CCDC38: variants seen among roughly 807,000 people sequenced by gnomAD.
The protein encoded by CCDC38 is coiled-coil domain containing 38, also known as coiled-coil domain-containing protein 38.
A neutral mutation model predicts 72.8 loss-of-function variants in CCDC38; 69 were observed. The observed-to-expected ratio is 0.95, with a 90% CI of 0.78 to 1.16. The LOEUF is 1.16. Ranked by LOEUF, CCDC38 falls within the 50% of genes most tolerant of loss-of-function variation. The probability of loss-of-function intolerance (pLI) is 0.00; values close to 1 mark genes in which losing one functional copy is unlikely to be tolerated. For synonymous variants in CCDC38, 201 were observed against 213.2 expected, an observed-to-expected ratio of 0.94 and a Z score of 0.50; for missense variants, 626 against 638.9, an observed-to-expected ratio of 0.98 and a Z score of 0.22.
chr12:95,884,908 T>C (rs557197726), intron 10 of CCDC38, among the ~76,000 whole-genome samples: 3 of 152,356 alleles, frequency 2.0e-5, no homozygotes, highest in Admixed American at 6.5e-5. Flanking sequence ...CATAGTACCA[T>C]GGGTTAGGAC....
chr12:95,914,773 C>T (rs890537931), intron 4 of CCDC38, among the ~76,000 whole-genome samples: 13 of 152,006 alleles, frequency 8.6e-5, no homozygotes, highest in East Asian at 1.9e-4. Flanking sequence ...ACCCCCGCTC[C>T]TCACACCCTA....
chr12:95,875,739 T>C (rs1166386373), intron 13 of CCDC38, among the ~76,000 whole-genome samples: 1 of 152,180 alleles, frequency 6.6e-6, no homozygotes, highest in Non-Finnish European at 1.5e-5. Flanking sequence ...GGATTATTAG[T>C]CCCATTTCCG....
intron 1 of CCDC38, among the ~76,000 whole-genome samples, chr12:95,938,610 T>C (rs1244354239): frequency 6.6e-6 from 1 of 152,208 alleles, no homozygotes; most frequent in Non-Finnish European, 1.5e-5. Context: ...GTAAATGCAA[T>C]CAGCAGTCTC....
intron 2 of CCDC38, chr12:95,919,417 T>A (rs929012340): frequency 1.7e-4 from 70 of 419,482 alleles, no homozygotes; most frequent in African/African-American, 1.4e-3. Flanking sequence ...TACTTCTACG[T>A]TAGGGTTTTA....
intron 8 of CCDC38, among the ~76,000 whole-genome samples, chr12:95,892,074 C>A (rs908100124): frequency 9.0e-5 from 13 of 144,544 alleles, no homozygotes; most frequent in Non-Finnish European, 1.8e-4. Context: ...TCCAAGGGAT[C>A]ACTCTGCTTT....
chr12:95,887,574 G>A (rs769410227), intron 10 of CCDC38, among the ~76,000 whole-genome samples: 23 of 152,182 alleles, frequency 1.5e-4, no homozygotes, highest in Non-Finnish European at 2.9e-5. Context: ...AATGCAGAAC[G>A]CATTGGCGGT....
At chr12:95,930,301 G>A (rs12309590) in intron 2 of CCDC38, among the ~76,000 whole-genome samples, 22,568 of 151,958 alleles carry the variant, frequency 0.15, 2,004 homozygotes, top group African/African-American at 0.24. Context: ...CAACAGAAAT[G>A]TAGTCTCTCA....
chr12:95,918,914 A>G lies in CCDC38; in HGVS notation c.100T>C (p.Phe34Leu), dbSNP rs749435002. ...RPYKIFFRDL[F>L]LVKENEMAAK... ...GCCATTTCATTTTCTTTGACAAGAA[A>G]GAGATCTCTGAAAAAGATCTTATAA... Residue 34 changes from phenylalanine (F) to leucine (L), a missense_variant, in exon 3 of 16, where the codon TTT becomes CTT. Coordinates refer to ENST00000344280, the MANE Select transcript of CCDC38 (RefSeq NM_182496.3). 1.2e-6 allele frequency: 2 copies of G among 1,612,666 alleles called. No individual in the cohort carries two copies. The highest frequency in any genetic ancestry group is 1.1e-5 in the South Asian group (1 of 91,026).
chr12:95,885,791 TC>T (rs2079752396), intron 10 of CCDC38: 1 of 145,310 alleles, frequency 6.9e-6, no homozygotes, highest in African/African-American at 2.6e-5. Flanking sequence ...AGTCACTGCA[TC>T]AATAATGCCT....
chr12:95,867,496 C>G (rs2079533556), intron 15 of CCDC38, among the ~76,000 whole-genome samples: 1 of 152,164 alleles, frequency 6.6e-6, no homozygotes, highest in Non-Finnish European at 1.5e-5. Flanking sequence ...TAGAAAAGCA[C>G]CATGTTGAAG....
rs1283667824 is a variant in CCDC38 at position 95,899,411 on chromosome 12, C to T, written c.370-680G>A. On this transcript the variant is annotated intron_variant, in intron 5 of 15. Coordinates refer to ENST00000344280, the MANE Select transcript of CCDC38 (RefSeq NM_182496.3). ...CACCCAGGCTCAAGCAATCTTCCCA[C>T]CTCAGCCACTCAAGTAGCTGGGACT... Among the ~76,000 whole-genome samples, 9 of 152,306 alleles carry T rather than the reference C, an allele frequency of 5.9e-5. No homozygotes were observed. The East Asian group carries it at 1.7e-3, about 29-fold the overall frequency.
intron 10 of CCDC38, among the ~76,000 whole-genome samples, chr12:95,887,941 T>G (rs2079778630): frequency 6.6e-6 from 1 of 152,176 alleles, no homozygotes; most frequent in South Asian, 2.1e-4. Flanking sequence ...CATGATACTG[T>G]GATGCTGGCC....
At chr12:95,898,533 G>C in intron 6 of CCDC38, 35 bp downstream of exon 6, 1 of 1,565,366 alleles carries the variant, frequency 6.4e-7, no homozygotes, top group South Asian at 1.1e-5. Context: ...AAACAAAAGA[G>C]GTGGGAAGGA....
At chr12:95,885,636 G>C (rs2079750750) in intron 10 of CCDC38, 1 of 154,802 alleles carries the variant, frequency 6.5e-6, no homozygotes, top group African/African-American at 2.4e-5. Context: ...TCCCATCTGT[G>C]ATGCATTTTG....
In CCDC38 at chr12:95,869,518, C is replaced by G; in HGVS notation, c.1540G>C (p.Ala514Pro). 1.2e-6 allele frequency: 2 copies of G among 1,613,624 alleles called. No individual in the cohort carries two copies. Among genetic ancestry groups the G allele is most frequent in the African/African-American group, 1.3e-5 (1 of 75,018 alleles). The change falls in exon 15 of 16, where the codon GCT (alanine) becomes CCT (proline). Residue 514 changes from alanine to proline, a missense_variant. Transcript: ENST00000344280. ...TGTGCTACTGCTTTTTCCAGAGCAG[C>G]TTTTAGCCTTTCCTGTTGGTGTCTT... ...KQRHQQERLK[A>P]ALEKAVAQPK... is the part of the protein sequence containing the mutation.
At chr12:95,928,317 C>T (rs997869394) in intron 2 of CCDC38, among the ~76,000 whole-genome samples, 4 of 152,214 alleles carry the variant, frequency 2.6e-5, no homozygotes, top group African/African-American at 9.7e-5. Flanking sequence ...ACCCTTTCTT[C>T]CAGTTGATCG....
At chr12:95,871,791 A>G (rs922652785) in intron 14 of CCDC38, among the ~76,000 whole-genome samples, 5 of 152,176 alleles carry the variant, frequency 3.3e-5, no homozygotes, top group Non-Finnish European at 2.9e-5. Flanking sequence ...TTCATGGGAG[A>G]ACCACAGGTA....
At chr12:95,925,094 G>C (rs1161349914) in intron 2 of CCDC38, among the ~76,000 whole-genome samples, 1 of 151,416 alleles carries the variant, frequency 6.6e-6, no homozygotes, top group Non-Finnish European at 1.5e-5. Flanking sequence ...CTGGTAGCTT[G>C]ATGGGGATGG....
chr12:95,920,840 CAA>C (rs917833202), intron 2 of CCDC38, among the ~76,000 whole-genome samples: 2 of 152,014 alleles, frequency 1.3e-5, no homozygotes, highest in Non-Finnish European at 2.9e-5. Context: ...ATTAAAAAAG[CAA>C]AAGAGGGCCG....
Sources: allele counts gnomAD v4.1 joint callset (sites outside exome capture counted in the v4.1 genomes callset), GRCh38; gene constraint gnomAD v4.1.1; transcripts MANE v1.5; gene names NCBI Gene and HGNC (gene_info 2026-07-23, HGNC 2026-07-21).